The following PFAS variants were observed in gnomAD, a reference collection of about 807,000 sequenced individuals.
The protein encoded by PFAS is FGAM synthase.
PFAS carries 97 observed loss-of-function variants against 140.6 expected under a neutral mutation model. The observed-to-expected ratio is 0.69, with a 90% CI of 0.59 to 0.82. The LOEUF (loss-of-function observed/expected upper bound fraction) is 0.82, where lower values mean the gene tolerates loss of function less well. Ranked by LOEUF, PFAS falls within the 40% of genes least tolerant of loss-of-function variation. The pLI is 0.00. For synonymous variants in PFAS, 679 were observed against 718.8 expected (o/e 0.94, Z 0.88); for missense variants, 1,656 against 1,780.2 (o/e 0.93, Z 1.26).
At position 8,258,115 on chromosome 17, in the gene PFAS, C is replaced by A; in HGVS notation, c.1252C>A (p.Arg418Ser). ...CCTCCAGCTCCCAGACGGCCAGCGG[C>A]GTGAGTGGATCAAGCCCATCATGTT... ...LGLQLPDGQR[R>S]EWIKPIMFSG... Residue 418 changes from arginine (R) to serine (S), a missense_variant, in exon 11 of 28, where the codon CGT (arginine) becomes AGT (serine). Coordinates refer to ENST00000314666, the MANE Select transcript of PFAS (RefSeq NM_012393.3). The A allele has an allele frequency of 6.2e-7, 1 of 1,614,044 alleles. No homozygotes were observed. Among genetic ancestry groups the A allele is most frequent in the Non-Finnish European group, 8.5e-7 (1 of 1,180,020 alleles).
rs915376771 is a variant in PFAS, at chr17:8,269,477, G to T, written c.*213G>T. The T allele has an allele frequency of 1.8e-6, 1 of 546,606 alleles. No homozygotes were observed. The highest frequency in any genetic ancestry group is 3.2e-5 in the Admixed American group (1 of 30,966). 33.9% of individuals were successfully genotyped at this position (546,606 alleles called of 1,614,324 possible). ...TTTCAGTTCTGCTCTAACATGGCAT[G>T]CCCTTTCTCAGCCCAGGAAACAGCA... On this transcript the variant is annotated 3_prime_UTR_variant, in exon 28 of 28. Coordinates refer to ENST00000314666, the MANE Select transcript of PFAS (RefSeq NM_012393.3).
In PFAS at chr17:8,265,918, C is replaced by T. The variant is rs779682872; in HGVS notation, c.2602C>T (p.Leu868=). 4 of 1,613,570 alleles carry T rather than the reference C, an allele frequency of 2.5e-6. No homozygotes were observed. Among genetic ancestry groups the T allele is most frequent in the African/African-American group, 1.3e-5 (1 of 75,040 alleles). Residue 868 remains leucine (L), a synonymous_variant, in exon 21 of 28, where the codon CTG becomes TTG. Coordinates refer to ENST00000314666, the MANE Select transcript of PFAS (RefSeq NM_012393.3). The stretch of plus-strand genomic sequence containing the variant: ...GCAGCACCGGCTCGGGGGCACAGCT[C>T]TGGCCCAGTGCTTCTCCCAGCTTGG... ...PGQHRLGGTA[L]AQCFSQLGEH...
In PFAS at chr17:8,262,931, G is replaced by T; in HGVS notation, c.1348G>T (p.Val450Leu). The T allele has an allele frequency of 1.2e-6, 2 of 1,614,020 alleles. No homozygotes were observed. Among genetic ancestry groups the T allele is most frequent in the Non-Finnish European group, 1.7e-6 (2 of 1,179,870 alleles). ...KEAPEPGMEVVKVGGPVYRIG... is the reference protein window; with the variant it reads ...KEAPEPGMEVLKVGGPVYRIG... ...TTCCCTTCTTACAGGCATGGAAGTT[G>T]TAAAGGTTGGAGGTCCCGTCTACAG... Residue 450 changes from valine to leucine, a missense_variant, in exon 12 of 28, where the codon GTA (valine) becomes TTA (leucine). Val to Leu is a conservative substitution (Grantham distance 32). Coordinates refer to ENST00000314666, the MANE Select transcript of PFAS (RefSeq NM_012393.3).
chr17:8,260,843 C>T (rs1475898565), intron 11 of PFAS, among the ~76,000 whole-genome samples: 1 of 152,146 alleles, frequency 6.6e-6, no homozygotes, highest in Non-Finnish European at 1.5e-5. Flanking sequence ...CCAGGGTGGT[C>T]TCTATCTCCC....
rs1360701504 is a variant in PFAS, at chr17:8,269,575, C to T, written c.*311C>T. 9.5e-6 allele frequency: 3 copies of T among 315,622 alleles called. No homozygotes were observed. Among genetic ancestry groups the T allele is most frequent in the Admixed American group, 4.5e-5 (1 of 22,010 alleles). The allele number at this position is 315,622 out of a possible 1,614,324, so 19.6% of individuals were successfully genotyped here. A position where few individuals can be genotyped will look rare whatever the true frequency, so the allele number is the denominator to read the frequency against. On this transcript the variant is annotated 3_prime_UTR_variant, in exon 28 of 28. Transcript: ENST00000314666. Reference sequence around the variant, plus strand: ...TCCGAACAGGGGCTTCTGTTGCCCACTTCACAACACCCAGTGATCACCGGT... The same window carrying T: ...TCCGAACAGGGGCTTCTGTTGCCCATTTCACAACACCCAGTGATCACCGGT...
Position 8,267,910 on chromosome 17 carries a change from A to G in PFAS, c.3382+245A>G, listed in dbSNP as rs1567646975. 6.9e-6 allele frequency among the ~76,000 whole-genome samples: 1 copy of G among 144,942 alleles called. No individual in the cohort carries two copies. The highest frequency in any genetic ancestry group is 1.5e-5 in the Non-Finnish European group (1 of 66,222). On this transcript the variant is annotated intron_variant, in intron 26 of 27. Transcript: ENST00000314666. This position sits in a 1 kb window ranked among gnomAD's most constrained non-coding sequence, Gnocchi z 4.9. ...ATTATTAAATATATATTATTTATAT[A>G]TATTATTTATATATTATTAAAATGT...
rs377186218 is a variant in PFAS, at chr17:8,264,902, G to A, written c.2057G>A (p.Arg686His). The change falls in exon 18 of 28, where the codon CGC becomes CAC. Residue 686 changes from arginine to histidine, a missense_variant. Arg to His is a conservative substitution (Grantham distance 29). This residue lies in a region of PFAS where 883 missense variants were observed against 1,023.0 expected (regional missense o/e 0.86). Coordinates refer to ENST00000314666, the MANE Select transcript of PFAS (RefSeq NM_012393.3). ...CCCCACCTGGTTCCACAGGTGGACCGCTCTGTGGGAGGCCTGGTGGCCCAG... is the reference window on the plus strand; with the variant it reads ...CCCCACCTGGTTCCACAGGTGGACCACTCTGTGGGAGGCCTGGTGGCCCAG... ...SKRYLTNKVD[R>H]SVGGLVAQQQ... 1.2e-5 allele frequency: 19 copies of A among 1,578,438 alleles called. No homozygotes were observed. The highest frequency in any genetic ancestry group is 1.8e-5 in the Admixed American group (1 of 56,038).
intron 27 of PFAS, 31 bp downstream of exon 27, chr17:8,268,887 C>T (rs375643370): frequency 1.2e-5 from 19 of 1,611,646 alleles, no homozygotes; most frequent in African/African-American, 6.7e-5. Flanking sequence ...GGGGAGGGCC[C>T]GAGGGTTGGG....
chr17:8,254,134 T>G, intron 2 of PFAS, 32 bp from the exon 3 acceptor site: 1 of 1,613,998 alleles, frequency 6.2e-7, no homozygotes, highest in South Asian at 1.1e-5. Flanking sequence ...GGGGGCAGTG[T>G]CTCAAGGTGT....
upstream of PFAS, chr17:8,247,867 A>C (rs1988895189): frequency 1.3e-6 from 1 of 799,372 alleles, no homozygotes; most frequent in Non-Finnish European, 2.1e-6. Context: ...GTAGGAGCGG[A>C]CCGACTCACA....
At chr17:8,264,736 G>A (rs1989740938) in intron 17 of PFAS, 135 bp downstream of exon 17, 15 of 1,079,322 alleles carry the variant, frequency 1.4e-5, no homozygotes, top group Non-Finnish European at 2.0e-5. Context: ...CAGCCACCCT[G>A]ATGGCCTGGT....
intron 3 of PFAS, 40 bp from the exon 4 acceptor site, chr17:8,254,987 C>T (rs764923770): frequency 1.1e-5 from 16 of 1,443,374 alleles, no homozygotes; most frequent in African/African-American, 5.6e-5. Flanking sequence ...TGAGGCCTGC[C>T]GGGGGTTCTC....
intron 11 of PFAS, among the ~76,000 whole-genome samples, chr17:8,261,211 AATG>A (rs1404319925): frequency 6.6e-6 from 1 of 151,888 alleles, no homozygotes; most frequent in East Asian, 1.9e-4. Flanking sequence ...TCTAATGACT[AATG>A]ATGTTGAGCG....
At chr17:8,255,165 A>G (rs1288682854) in intron 4 of PFAS, 33 bp downstream of exon 4, 1 of 1,441,646 alleles carries the variant, frequency 6.9e-7, no homozygotes, top group South Asian at 1.1e-5. Flanking sequence ...GGAGGAGATG[A>G]GCCAGAGATA....
chr17:8,267,408 A>G lies in PFAS; in HGVS notation c.3212A>G (p.Glu1071Gly), dbSNP rs754006305. Residue 1071 changes from glutamate to glycine, a missense_variant, in exon 25 of 28, where the codon GAG becomes GGG. By Grantham distance (98) the Glu-to-Gly change is moderately conservative. Transcript: ENST00000314666. This position sits in a 1 kb window ranked among gnomAD's most constrained non-coding sequence, Gnocchi z 4.9. The part of the protein sequence containing the change: ...PSPRVAILRE[E>G]GSNGDREMAD... ...CCCCGAGTCGCCATCTTGCGAGAGG[A>G]GGGCAGTAATGGAGACCGGGAGATG... The G allele has an allele frequency of 1.4e-5, 23 of 1,614,010 alleles. No homozygotes were observed. In the South Asian group the frequency reaches 2.5e-4, roughly 18 times the overall value.
Position 8,269,299 on chromosome 17 carries a change from T to A in PFAS, c.*35T>A. 1.3e-6 allele frequency: 2 copies of A among 1,504,962 alleles called. No individual in the cohort carries two copies. Among genetic ancestry groups the A allele is most frequent in the Non-Finnish European group, 1.8e-6 (2 of 1,102,992 alleles). The allele number at this position is 1,504,962 out of a possible 1,614,324, so 93.2% of individuals were successfully genotyped here. ...GGGGCTCACCTGGGCCCCATGGCTT[T>A]TCACCTAAGTGGGTCCTGCCCCCTC... On this transcript the variant is annotated 3_prime_UTR_variant, in exon 28 of 28. Transcript: ENST00000314666.
upstream of PFAS, chr17:8,249,172 C>T (rs1989018613): frequency 6.6e-6 from 1 of 152,126 alleles, no homozygotes; most frequent in African/African-American, 2.4e-5. Flanking sequence ...GGGGATAAAC[C>T]TCTCCCCACC....
chr17:8,263,710 G>A (rs2151591042), intron 14 of PFAS, 65 bp from the exon 15 acceptor site: 1 of 1,606,526 alleles, frequency 6.2e-7, no homozygotes, highest in Non-Finnish European at 8.5e-7. Context: ...CATCTCTCTT[G>A]CAACAACATG....
Position 8,269,627 on chromosome 17 carries a change from G to A in PFAS, c.*363G>A, listed in dbSNP as rs776603189. On this transcript the variant is annotated 3_prime_UTR_variant, in exon 28 of 28. Coordinates refer to ENST00000314666, the MANE Select transcript of PFAS (RefSeq NM_012393.3). ...TGCAATTGCCTCCTTGGCTCTGAGG[G>A]ATGTTTTGCGCTCCCTTTTCTCATC... 1.5e-4 allele frequency: 33 copies of A among 221,382 alleles called. No individual in the cohort carries two copies. The highest frequency in any genetic ancestry group is 2.4e-4 in the Non-Finnish European group (27 of 111,132). 13.7% of individuals were successfully genotyped at this position (221,382 alleles called of 1,614,324 possible). A position where few individuals can be genotyped will look rare whatever the true frequency, so the allele number is the denominator to read the frequency against.
Sources: gnomAD v4.1 joint callset for allele counts (sites outside exome capture counted in the v4.1 genomes callset) on GRCh38, gnomAD v4.1.1 for gene constraint, gnomAD v4.1.1 regional missense constraint, Gnocchi (gnomAD v3.1) non-coding constraint, MANE v1.5 for transcripts, NCBI Gene and HGNC (gene_info 2026-07-23, HGNC 2026-07-21) for gene names.